Variants in PBX1 observed in about 807,000 individuals in gnomAD.
The protein encoded by PBX1 is pre-B-cell leukemia transcription factor 1.
PBX1 carries 6 observed loss-of-function variants against 53.4 expected under a neutral mutation model. That is an observed-to-expected ratio of 0.11 (90% CI 0.06 to 0.22). The LOEUF (loss-of-function observed/expected upper bound fraction) is 0.22, where lower values mean the gene tolerates loss of function less well. Ranked by LOEUF, PBX1 falls within the 10% of genes least tolerant of loss-of-function variation. The pLI is 1.00. For synonymous variants in PBX1, 204 were observed against 212.3 expected, an observed-to-expected ratio of 0.96 and a Z score of 0.34; for missense variants, 251 against 551.4, an observed-to-expected ratio of 0.46 and a Z score of 5.46.
In PBX1 at chr1:164,786,943, T is replaced by G. The variant is rs568508202; in HGVS notation, c.266-5551T>G. Among the ~76,000 whole-genome samples the G allele has an allele frequency of 1.1e-3, 172 of 152,298 alleles. No homozygotes were observed. In the Middle Eastern group the frequency reaches 0.02, roughly 18 times the overall value. ...TATGTAAGTTTGGAACATTACTTCA[T>G]GTTTTGTAAGGTGATGTAATTCAGT... is the stretch of plus-strand genomic sequence containing the variant. On this transcript the variant is annotated intron_variant, in intron 2 of 8. Coordinates refer to ENST00000420696, the MANE Select transcript of PBX1 (RefSeq NM_002585.4).
At chr1:164,581,517 C>G (rs1287804178) in intron 2 of PBX1, among the ~76,000 whole-genome samples, 1 of 152,166 alleles carries the variant, frequency 6.6e-6, no homozygotes, top group Non-Finnish European at 1.5e-5. Flanking sequence ...TGAGCCACCG[C>G]ACCCAGCCCC....
rs547727411 is a variant in PBX1 at position 164,578,825 on chromosome 1, G to A, written c.265+15514G>A. Among the ~76,000 whole-genome samples the A allele has an allele frequency of 3.9e-5, 6 of 152,260 alleles. No individual in the cohort carries two copies. In the South Asian group the frequency reaches 1.2e-3, roughly 32 times the overall value. On this transcript the variant is annotated intron_variant, in intron 2 of 8. Coordinates refer to ENST00000420696, the MANE Select transcript of PBX1 (RefSeq NM_002585.4). ...TGCCTCAGAAATGTTCTATGTTTGAGTCCTTGCATACTGGGCCTTCCTGCC... is the reference window on the plus strand; with the variant it reads ...TGCCTCAGAAATGTTCTATGTTTGAATCCTTGCATACTGGGCCTTCCTGCC...
At chr1:164,652,062 C>A (rs1410786903) in intron 2 of PBX1, 1 of 151,008 alleles carries the variant, frequency 6.6e-6, no homozygotes, top group South Asian at 2.1e-4. Context: ...AAGAGGAAAT[C>A]ATCACTTTTT....
intron 2 of PBX1, among the ~76,000 whole-genome samples, chr1:164,587,933 T>C (rs757262426): frequency 4.6e-5 from 7 of 152,190 alleles, no homozygotes; most frequent in Non-Finnish European, 8.8e-5. Flanking sequence ...CATTTTTATA[T>C]GCAAGAAGAG....
intron 8 of PBX1, among the ~76,000 whole-genome samples, chr1:164,839,273 A>T (rs1483814422): frequency 6.6e-6 from 1 of 152,218 alleles, no homozygotes; most frequent in East Asian, 1.9e-4. Context: ...CAAAACAGTA[A>T]ACTCCTTGAG....
chr1:164,666,057 A>T (rs1660786393), intron 2 of PBX1, among the ~76,000 whole-genome samples: 1 of 152,186 alleles, frequency 6.6e-6, no homozygotes, highest in Non-Finnish European at 1.5e-5. Flanking sequence ...GGGCAACTCC[A>T]GGAGGGAATG....
chr1:164,757,525 A>C (rs1193907418), intron 2 of PBX1, among the ~76,000 whole-genome samples: 1 of 152,174 alleles, frequency 6.6e-6, no homozygotes, highest in Non-Finnish European at 1.5e-5. Flanking sequence ...TTAGCTTTCA[A>C]AATACTGAAA....
Position 164,850,042 on chromosome 1 carries a change from GA to G in PBX1, c.*3376del, listed in dbSNP as rs540998480. The G allele has an allele frequency of 3.0e-4, 63 of 209,144 alleles. No homozygotes were observed. Among genetic ancestry groups the G allele is most frequent in the East Asian group, 1.3e-3 (18 of 13,990 alleles). 13.0% of individuals were successfully genotyped at this position (209,144 alleles called of 1,614,324 possible). On this transcript the variant is annotated 3_prime_UTR_variant, in exon 9 of 9. Coordinates refer to ENST00000420696, the MANE Select transcript of PBX1 (RefSeq NM_002585.4). ...GAATGTTCTTGTATATTCAGATAAA[GA>G]AAAAAAAAACCAAAAAAGCGGTCTG...
At chr1:164,692,847 T>C (rs1359336870) in intron 2 of PBX1, among the ~76,000 whole-genome samples, 1 of 152,190 alleles carries the variant, frequency 6.6e-6, no homozygotes, top group Non-Finnish European at 1.5e-5. Flanking sequence ...GGCTGCACAG[T>C]TTTACTAGGT....
At chr1:164,583,516 A>G (rs1557873653) in intron 2 of PBX1, among the ~76,000 whole-genome samples, 2 of 151,968 alleles carry the variant, frequency 1.3e-5, no homozygotes, top group Non-Finnish European at 2.9e-5. Flanking sequence ...ACACTGTTCC[A>G]TTTTTCATGG....
At chr1:164,583,289 A>C (rs1173929512) in intron 2 of PBX1, among the ~76,000 whole-genome samples, 1 of 152,092 alleles carries the variant, frequency 6.6e-6, no homozygotes, top group East Asian at 1.9e-4. Flanking sequence ...GCGGGAAAAA[A>C]AAAAAAAGAA....
chr1:164,604,534 T>C (rs1253237499), intron 2 of PBX1, among the ~76,000 whole-genome samples: 1 of 152,220 alleles, frequency 6.6e-6, no homozygotes, highest in Non-Finnish European at 1.5e-5. Context: ...GGTCACAGGA[T>C]CTAGTGATTT....
At chr1:164,718,174 T>C (rs1664211693) in intron 2 of PBX1, among the ~76,000 whole-genome samples, 2 of 152,228 alleles carry the variant, frequency 1.3e-5, no homozygotes, top group South Asian at 4.1e-4. Context: ...GAATGTGGCA[T>C]GTTTTACCTT....
Position 164,559,988 on chromosome 1 carries a change from C to G in PBX1, c.166C>G (p.Gln56Glu). The G allele has an allele frequency of 6.7e-7, 1 of 1,484,812 alleles. No individual in the cohort carries two copies. Among genetic ancestry groups the G allele is most frequent in the Non-Finnish European group, 9.0e-7 (1 of 1,110,614 alleles). 92.0% of individuals were successfully genotyped at this position (1,484,812 alleles called of 1,614,324 possible). A position where few individuals can be genotyped will look rare whatever the true frequency, so the allele number is the denominator to read the frequency against. The change falls in exon 1 of 9, where the codon CAG (glutamine) becomes GAG (glutamate). Residue 56 changes from glutamine to glutamate, a missense_variant. Physicochemically the swap from Gln to Glu is conservative, Grantham distance 29. Transcript: ENST00000420696. ...ILQQIMTITD[Q>E]SLDEAQARKH... ...ACAGCAAATTATGACCATCACAGAC[C>G]AGAGTTTGGATGAGGCGCAGGCCAG...
chr1:164,811,956 G>A, intron 5 of PBX1, 34 bp from the exon 6 acceptor site: 1 of 1,576,972 alleles, frequency 6.3e-7, no homozygotes, highest in Non-Finnish European at 8.6e-7. Context: ...AGGATGAAAT[G>A]TGAACTTTCT....
At chr1:164,829,726 A>G (rs886472353) in intron 8 of PBX1, 4 of 152,008 alleles carry the variant, frequency 2.6e-5, no homozygotes, top group Non-Finnish European at 5.9e-5. Context: ...ACATTTGCCT[A>G]TGTAGCAAAC....
intron 2 of PBX1, among the ~76,000 whole-genome samples, chr1:164,735,324 A>G (rs1406203221): frequency 6.6e-6 from 1 of 152,212 alleles, no homozygotes; most frequent in Admixed American, 6.5e-5. Flanking sequence ...TAAAACATGT[A>G]TGTTTTTGCT....
chr1:164,581,221 G>C (rs1053773694), intron 2 of PBX1, among the ~76,000 whole-genome samples: 1 of 150,264 alleles, frequency 6.7e-6, no homozygotes, highest in African/African-American at 2.4e-5. Context: ...GCAGCTCCCC[G>C]ACCGCCATTT....
chr1:164,574,256 T>C (rs1479232601), intron 2 of PBX1, among the ~76,000 whole-genome samples: 2 of 152,244 alleles, frequency 1.3e-5, no homozygotes, highest in Non-Finnish European at 2.9e-5. Context: ...TTTCTTTAGC[T>C]GTAATGCAAT....
Sources: gnomAD v4.1 joint callset for allele counts (sites outside exome capture counted in the v4.1 genomes callset) on GRCh38, gnomAD v4.1.1 for gene constraint, MANE v1.5 for transcripts, NCBI Gene and HGNC (gene_info 2026-07-23, HGNC 2026-07-21) for gene names.